The following USH2A variants were observed in gnomAD, a reference collection of about 807,000 sequenced individuals.
USH2A encodes Usher syndrome 2A (autosomal recessive, mild).
In USH2A, 443 loss-of-function variants were observed where a neutral mutation model predicts 538.9. The observed-to-expected ratio is 0.82, with a 90% confidence interval of 0.76 to 0.89. The LOEUF is 0.89. Ranked by LOEUF, USH2A falls within the 40% of genes least tolerant of loss-of-function variation. The pLI, the probability that USH2A is intolerant of heterozygous loss-of-function variation, is 0.00. For synonymous variants in USH2A, 2,413 were observed against 2,273.5 expected, an observed-to-expected ratio of 1.06 and a Z score of -1.75; for missense variants, 6,633 against 6,324.8, an observed-to-expected ratio of 1.05 and a Z score of -1.65.
At chr1:216,051,319 C>T (rs1382707348) in intron 30 of USH2A, among the ~76,000 whole-genome samples, 4 of 152,208 alleles carry the variant, frequency 2.6e-5, no homozygotes, top group African/African-American at 9.6e-5. Flanking sequence ...AATCAACATT[C>T]TAAATAATTA....
intron 37 of USH2A, among the ~76,000 whole-genome samples, chr1:215,952,155 C>T (rs1355075864): frequency 7.2e-5 from 11 of 152,194 alleles, no homozygotes; most frequent in African/African-American, 1.7e-4. Flanking sequence ...TGAGCCACCG[C>T]GCCCGGCCTG....
intron 64 of USH2A, among the ~76,000 whole-genome samples, chr1:215,660,587 C>T (rs568531174): frequency 1.3e-5 from 2 of 152,136 alleles, no homozygotes; most frequent in African/African-American, 4.8e-5. Flanking sequence ...AAAAGCCTGG[C>T]TTTTCAAAAA....
intron 45 of USH2A, among the ~76,000 whole-genome samples, chr1:215,845,336 A>T (rs1413576187): frequency 6.6e-6 from 1 of 152,152 alleles, no homozygotes; most frequent in African/African-American, 2.4e-5. Context: ...CATTCCAAAC[A>T]CATTTCAGAT....
intron 45 of USH2A, among the ~76,000 whole-genome samples, chr1:215,845,214 TG>T (rs1317589783): frequency 6.6e-6 from 1 of 152,128 alleles, no homozygotes; most frequent in African/African-American, 2.4e-5. Flanking sequence ...CAAAGGGAAA[TG>T]GGTTCCACAC....
intron 38 of USH2A, chr1:215,901,333 C>A: frequency 3.9e-6 from 1 of 254,160 alleles, no homozygotes; most frequent in South Asian, 4.5e-5. Context: ...CTTAATCACA[C>A]CACTACATGT....
At chr1:216,402,925 C>T (rs960590585) in intron 3 of USH2A, among the ~76,000 whole-genome samples, 3 of 152,040 alleles carry the variant, frequency 2.0e-5, no homozygotes, top group Non-Finnish European at 2.9e-5. Flanking sequence ...TTAAATTACA[C>T]ATTAAATTAC....
chr1:215,871,157 C>T (rs1046452450), intron 43 of USH2A, among the ~76,000 whole-genome samples: 9 of 152,206 alleles, frequency 5.9e-5, no homozygotes, highest in East Asian at 3.9e-4. Context: ...GACCATCCTC[C>T]GGTCTCTCCC....
At chr1:215,666,420 G>A (rs1335982550) in intron 64 of USH2A, among the ~76,000 whole-genome samples, 1 of 152,170 alleles carries the variant, frequency 6.6e-6, no homozygotes, top group East Asian at 1.9e-4. Context: ...AACGTCAATA[G>A]GCTATTATCA....
intron 21 of USH2A, among the ~76,000 whole-genome samples, chr1:216,102,006 A>T (rs1025369898): frequency 2.0e-5 from 3 of 152,206 alleles, no homozygotes; most frequent in Non-Finnish European, 4.4e-5. Flanking sequence ...TTAGGCAAAG[A>T]ATTCTTAAAC....
Position 215,947,059 on chromosome 1 carries a change from A to G in USH2A, c.7121-12264T>C, listed in dbSNP as rs1194363157. Among the ~76,000 whole-genome samples, 4 of 130,694 alleles carry G rather than the reference A, an allele frequency of 3.1e-5. No homozygotes were observed. In the East Asian group the frequency reaches 8.4e-4, roughly 27 times the overall value. 85.7% of individuals were successfully genotyped at this position (130,694 alleles called of 152,430 possible). ...GTATATTACTTTTTTTTTTTTTTTA[A>G]CTGAGACTAAGTCACTCTGTCGCCC... On this transcript the variant is annotated intron_variant, in intron 37 of 71. Transcript: ENST00000307340.
chr1:215,700,622 T>C (rs1025505101), intron 61 of USH2A, among the ~76,000 whole-genome samples: 10 of 152,236 alleles, frequency 6.6e-5, no homozygotes, highest in Admixed American at 2.6e-4. Context: ...CCTCTGATGG[T>C]AGTTTGTATT....
intron 14 of USH2A, among the ~76,000 whole-genome samples, chr1:216,220,578 G>A (rs181851190): frequency 6.6e-6 from 1 of 151,254 alleles, no homozygotes; most frequent in East Asian, 1.9e-4. Context: ...AGCCAGGGAA[G>A]TCGGGGAGGG....
chr1:216,124,638 C>T (rs1348416065), intron 21 of USH2A, among the ~76,000 whole-genome samples: 1 of 152,084 alleles, frequency 6.6e-6, no homozygotes, highest in African/African-American at 2.4e-5. Context: ...AACCTTACAC[C>T]GAGTTTTAAA....
At position 215,764,065 on chromosome 1, in the gene USH2A, G is replaced by C. The variant is rs74141405; in HGVS notation, c.11047+2616C>G. The stretch of plus-strand genomic sequence containing the variant: ...GCGAAGTACTGAGGTTAAAGTTTTT[G>C]AAAAACACCTAAATATAAACATGTA... On this transcript the variant is annotated intron_variant, in intron 56 of 71. Transcript: ENST00000307340. Among the ~76,000 whole-genome samples the C allele has an allele frequency of 6.3e-3, 964 of 152,108 alleles. 11 individuals are homozygous for C. The highest frequency in any genetic ancestry group is 0.022 in the African/African-American group (910 of 41,492).
At chr1:216,162,157 G>A (rs1457224841) in intron 21 of USH2A, among the ~76,000 whole-genome samples, 1 of 151,540 alleles carries the variant, frequency 6.6e-6, no homozygotes, top group Non-Finnish European at 1.5e-5. Flanking sequence ...TTCCTTCTGG[G>A]TCCTCAAATA....
chr1:215,797,219 A>G (rs1450685906), intron 50 of USH2A, among the ~76,000 whole-genome samples: 1 of 152,222 alleles, frequency 6.6e-6, no homozygotes, highest in African/African-American at 2.4e-5. Flanking sequence ...AGAAGAATAG[A>G]TGAAAGCTAA....
At chr1:215,923,850 T>C (rs557500061) in intron 38 of USH2A, among the ~76,000 whole-genome samples, 1 of 152,102 alleles carries the variant, frequency 6.6e-6, no homozygotes, top group South Asian at 2.1e-4. Context: ...CTCCTCTGTC[T>C]ACCTCCATTC....
intron 40 of USH2A, among the ~76,000 whole-genome samples, chr1:215,897,651 T>C (rs1035018396): frequency 6.6e-6 from 1 of 151,320 alleles, no homozygotes; most frequent in East Asian, 2.0e-4. Flanking sequence ...ATGGTGCCAC[T>C]GCACTCCAGC....
rs1001055503 is a variant in USH2A at position 215,625,580 on chromosome 1, T to C, written c.*201A>G. 2 of 609,802 alleles carry C rather than the reference T, an allele frequency of 3.3e-6. No homozygotes were observed. Among genetic ancestry groups the C allele is most frequent in the Non-Finnish European group, 5.9e-6 (2 of 340,512 alleles). 37.8% of individuals were successfully genotyped at this position (609,802 alleles called of 1,614,324 possible). A position where few individuals can be genotyped will look rare whatever the true frequency, so the allele number is the denominator to read the frequency against. On this transcript the variant is annotated 3_prime_UTR_variant, in exon 72 of 72. Coordinates refer to ENST00000307340, the MANE Select transcript of USH2A (RefSeq NM_206933.4). ...ATCAAGTATTTTCATATGAATATTC[T>C]CTCTCATTTAAGATGAGAAAAATAT... is the stretch of plus-strand genomic sequence containing the variant.
Sources: gnomAD v4.1 joint callset for allele counts (sites outside exome capture counted in the v4.1 genomes callset) on GRCh38, gnomAD v4.1.1 for gene constraint, MANE v1.5 for transcripts, NCBI Gene and HGNC (gene_info 2026-07-23, HGNC 2026-07-21) for gene names.